The following NUDCD1 variants were observed in gnomAD, a reference collection of about 807,000 sequenced individuals.
NUDCD1 encodes the protein nudC domain-containing protein 1.
In NUDCD1, 60 loss-of-function variants were observed where a neutral mutation model predicts 67.8. The observed-to-expected ratio is 0.88, with a 90% CI of 0.72 to 1.10. The LOEUF (loss-of-function observed/expected upper bound fraction) is 1.10, where lower values mean the gene tolerates loss of function less well. Ranked by LOEUF, NUDCD1 falls within the 50% of genes least tolerant of loss-of-function variation. The pLI, the probability that NUDCD1 is intolerant of heterozygous loss-of-function variation, is 0.00. For missense variants in NUDCD1, 643 were observed against 695.0 expected, an observed-to-expected ratio of 0.93 and a Z score of 0.84; for synonymous variants, 244 against 230.8, an observed-to-expected ratio of 1.06 and a Z score of -0.52.
chr8:109,279,851 C>T (rs752613283), intron 6 of NUDCD1, among the ~76,000 whole-genome samples: 4 of 152,016 alleles, frequency 2.6e-5, no homozygotes, highest in South Asian at 4.2e-4. Flanking sequence ...AGGCTGGTCT[C>T]GAACTCCTGA....
chr8:109,258,752 C>T (rs1813796960), intron 8 of NUDCD1, among the ~76,000 whole-genome samples: 1 of 152,052 alleles, frequency 6.6e-6, no homozygotes. Flanking sequence ...GGACTGAATT[C>T]TACTGCACTG....
intron 1 of NUDCD1, among the ~76,000 whole-genome samples, chr8:109,331,258 C>T (rs1815798032): frequency 6.6e-6 from 1 of 152,030 alleles, no homozygotes; most frequent in African/African-American, 2.4e-5. Context: ...TGCTTGAACC[C>T]GGGAGGCGGA....
intron 2 of NUDCD1, among the ~76,000 whole-genome samples, chr8:109,314,925 GA>G (rs1295496107): frequency 2.0e-5 from 3 of 151,956 alleles, no homozygotes; most frequent in African/African-American, 7.2e-5. Context: ...TAGATTTATA[GA>G]AAGGGCTACT....
intron 8 of NUDCD1, among the ~76,000 whole-genome samples, chr8:109,260,246 GA>G (rs1273654548): frequency 2.6e-5 from 4 of 152,196 alleles, no homozygotes; most frequent in Admixed American, 1.3e-4. Flanking sequence ...GCCTAGGCTG[GA>G]GTGTAGGCAC....
At chr8:109,282,123 C>T (rs1251944174) in intron 5 of NUDCD1, among the ~76,000 whole-genome samples, 1 of 152,158 alleles carries the variant, frequency 6.6e-6, no homozygotes, top group Non-Finnish European at 1.5e-5. Context: ...TCCACACCTG[C>T]CACTGGGGGA....
rs1464522585 is a variant in NUDCD1 at position 109,243,221 on chromosome 8, G to C, written c.1540C>G (p.Leu514Val). The C allele has an allele frequency of 3.1e-6, 5 of 1,613,314 alleles. No individual in the cohort carries two copies. The Admixed American group carries it at 8.3e-5, about 27-fold the overall frequency. Residue 514 changes from leucine to valine, a missense_variant, in exon 10 of 10, where the codon CTT becomes GTT. Leu to Val is a conservative substitution (Grantham distance 32). Coordinates refer to ENST00000239690, the MANE Select transcript of NUDCD1 (RefSeq NM_032869.4). ...TGACGATAGATGAATACTCGACGAA[G>C]GCACTCACAAAGGGCTGCATACGAG... ...NYSYAALCECLRRVFIYRQPA... is the reference protein window; with the variant it reads ...NYSYAALCECVRRVFIYRQPA...
chr8:109,305,185 A>G (rs1465301287), intron 2 of NUDCD1, among the ~76,000 whole-genome samples: 1 of 152,112 alleles, frequency 6.6e-6, no homozygotes, highest in Non-Finnish European at 1.5e-5. Flanking sequence ...GGACTGGCAA[A>G]TTGACTTTAC....
intron 3 of NUDCD1, among the ~76,000 whole-genome samples, chr8:109,294,997 T>C (rs1352160769): frequency 6.6e-6 from 1 of 152,084 alleles, no homozygotes; most frequent in Non-Finnish European, 1.5e-5. Context: ...CAGTATCTAG[T>C]CAAAACTATT....
At chr8:109,244,699 G>C (rs2129850536) in intron 9 of NUDCD1, among the ~76,000 whole-genome samples, 1 of 152,230 alleles carries the variant, frequency 6.6e-6, no homozygotes, top group African/African-American at 2.4e-5. Context: ...AAAAATTTCT[G>C]TCACACAATA....
chr8:109,271,522 C>T (rs1814157090), intron 7 of NUDCD1, among the ~76,000 whole-genome samples: 1 of 152,010 alleles, frequency 6.6e-6, no homozygotes, highest in Non-Finnish European at 1.5e-5. Context: ...ATAGTGACTA[C>T]AAAATGAAGC....
intron 7 of NUDCD1, among the ~76,000 whole-genome samples, chr8:109,274,727 A>G (rs1255335581): frequency 1.3e-5 from 2 of 152,132 alleles, no homozygotes; most frequent in Non-Finnish European, 2.9e-5. Flanking sequence ...ATAATTCAAG[A>G]TGGCAATAAA....
At chr8:109,254,683 G>C (rs952884782) in intron 8 of NUDCD1, among the ~76,000 whole-genome samples, 6 of 151,980 alleles carry the variant, frequency 3.9e-5, no homozygotes, top group African/African-American at 1.4e-4. Context: ...ATTTCAAATA[G>C]TCAATTAATT....
chr8:109,333,939 C>T lies in NUDCD1; in HGVS notation c.72G>A (p.Lys24=), dbSNP rs758712084. Residue 24 remains lysine, a synonymous_variant, in exon 1 of 10, where the codon AAG becomes AAA. Coordinates refer to ENST00000239690, the MANE Select transcript of NUDCD1 (RefSeq NM_032869.4). ...AACAAGGCAGCGGCTCAAGAGAGAG[C>T]TTGTAACCCTCGAAGCGGGGATCCA... ...PLLDPRFEGY[K]LSLEPLPCYQ... 1.2e-5 allele frequency: 19 copies of T among 1,614,190 alleles called. No individual in the cohort carries two copies. The highest frequency in any genetic ancestry group is 1.5e-5 in the Non-Finnish European group (18 of 1,180,008).
At chr8:109,258,503 T>A (rs968580933) in intron 8 of NUDCD1, among the ~76,000 whole-genome samples, 4 of 151,976 alleles carry the variant, frequency 2.6e-5, no homozygotes, top group African/African-American at 9.7e-5. Context: ...TAGGAAAAGG[T>A]TGGCGAAGAA....
intron 2 of NUDCD1, among the ~76,000 whole-genome samples, chr8:109,311,348 C>T (rs1026992888): frequency 4.6e-5 from 7 of 151,926 alleles, no homozygotes; most frequent in Non-Finnish European, 8.8e-5. Flanking sequence ...ACAACCACTA[C>T]GGAAAACAGT....
At chr8:109,321,299 T>A (rs1240455977) in intron 2 of NUDCD1, among the ~76,000 whole-genome samples, 1 of 152,140 alleles carries the variant, frequency 6.6e-6, no homozygotes, top group African/African-American at 2.4e-5. Context: ...AAACATATGA[T>A]AAAATTAGCT....
chr8:109,277,417 A>C (rs1814316090), intron 6 of NUDCD1, among the ~76,000 whole-genome samples: 1 of 152,216 alleles, frequency 6.6e-6, no homozygotes, highest in Non-Finnish European at 1.5e-5. Flanking sequence ...TTCTTCTAAG[A>C]CTGCATTTGT....
chr8:109,279,341 T>G (rs1209877032), intron 6 of NUDCD1, among the ~76,000 whole-genome samples: 1 of 152,194 alleles, frequency 6.6e-6, no homozygotes, highest in East Asian at 1.9e-4. Flanking sequence ...AGTTTTAATT[T>G]TCCTAATGTC....
intron 2 of NUDCD1, among the ~76,000 whole-genome samples, chr8:109,320,913 A>G (rs1815518708): frequency 6.6e-6 from 1 of 152,164 alleles, no homozygotes; most frequent in Admixed American, 6.5e-5. Flanking sequence ...AACCTACCAC[A>G]TCTGGAAAGA....
Sources: allele counts gnomAD v4.1 joint callset (sites outside exome capture counted in the v4.1 genomes callset), GRCh38; gene constraint gnomAD v4.1.1; transcripts MANE v1.5; gene names NCBI Gene and HGNC (gene_info 2026-07-23, HGNC 2026-07-21).